NCKAP1: variants seen among roughly 807,000 people sequenced by gnomAD.
NCKAP1 encodes NCK associated protein 1, also known as nck-associated protein 1.
In NCKAP1, 21 loss-of-function variants were observed where a neutral mutation model predicts 151.2. The ratio of observed to expected loss-of-function variants is 0.14; its 90% CI spans 0.10 to 0.20. The LOEUF is 0.20. Ranked by LOEUF, NCKAP1 falls within the 10% of genes least tolerant of loss-of-function variation. NCKAP1 has a pLI of 1.00. For synonymous variants in NCKAP1, 484 were observed against 451.8 expected (o/e 1.07, Z -0.90); for missense variants, 933 against 1,352.1 (o/e 0.69, Z 4.86).
At chr2:182,982,695 G>A (rs1280171428) in intron 12 of NCKAP1, 126 bp downstream of exon 12, 1 of 626,338 alleles carries the variant, frequency 1.6e-6, no homozygotes, top group African/African-American at 1.8e-5. Flanking sequence ...GTAATAATAG[G>A]TGTACTAAAT....
At chr2:182,972,728 T>C (rs1208380353) in intron 15 of NCKAP1, among the ~76,000 whole-genome samples, 1 of 152,166 alleles carries the variant, frequency 6.6e-6, no homozygotes, top group Non-Finnish European at 1.5e-5. Context: ...CCATAAAAAA[T>C]GAAATCCTGT....
At position 182,916,091 on chromosome 2, in the gene NCKAP1, CCT is replaced by C. The variant is rs1422491452; in HGVS notation, c.*9609_*9610del. ...CCCCGTCTCCCTGCTCCTGCTCCTC[CCT>C]CTCCCCCTCCCCCACTCCAACTCTC... On this transcript the variant is annotated 3_prime_UTR_variant, in exon 31 of 31. Transcript: ENST00000361354. 1 of 150,902 alleles carries C rather than the reference CCT, an allele frequency of 6.6e-6. No individual in the cohort carries two copies. Among genetic ancestry groups the C allele is most frequent in the Non-Finnish European group, 1.5e-5 (1 of 67,754 alleles). 9.3% of individuals were successfully genotyped at this position (150,902 alleles called of 1,614,324 possible). A position where few individuals can be genotyped will look rare whatever the true frequency, so the allele number is the denominator to read the frequency against.
chr2:183,003,028 G>A lies in NCKAP1; in HGVS notation c.315C>T (p.Asp105=), dbSNP rs1282893104. The change falls in exon 4 of 31, where the codon GAC becomes GAT. Residue 105 remains aspartate, a splice_region_variant and synonymous_variant. Transcript: ENST00000361354. The part of the protein sequence containing the change: ...FTFVDVMEFK[D]HVCELLNTID... ...TAGTATTCAGCAATTCACAAACATG[G>A]TCCTGAAAAGAAATACTTATTTTAA... 4.4e-6 allele frequency: 7 copies of A among 1,604,914 alleles called. No homozygotes were observed. The African/African-American group carries it at 6.7e-5, about 15-fold the overall frequency.
intron 15 of NCKAP1, among the ~76,000 whole-genome samples, chr2:182,974,018 G>A (rs1471274128): frequency 6.6e-6 from 1 of 152,016 alleles, no homozygotes; most frequent in African/African-American, 2.4e-5. Context: ...AAAGATGAAT[G>A]TGCTATTTTT....
At position 182,922,158 on chromosome 2, in the gene NCKAP1, C is replaced by T. The variant is rs1696559736; in HGVS notation, c.*3544G>A. 1 of 152,150 alleles carries T rather than the reference C, an allele frequency of 6.6e-6. No homozygotes were observed. Among genetic ancestry groups the T allele is most frequent in the African/African-American group, 2.4e-5 (1 of 41,432 alleles). 9.4% of individuals were successfully genotyped at this position (152,150 alleles called of 1,614,324 possible). ...ATTCACAAAAGTCTTAGGAATAATA[C>T]AGGTGAAGTCTCAGAAAGGCAAGTC... On this transcript the variant is annotated 3_prime_UTR_variant, in exon 31 of 31. Transcript: ENST00000361354.
At chr2:182,930,903 G>GTAGTTTCTGCTTCAGCC in intron 26 of NCKAP1, 115 bp from the exon 27 acceptor site, 1 of 809,958 alleles carries the variant, frequency 1.2e-6, no homozygotes, top group Non-Finnish European at 2.0e-6. Context: ...AAACTTGGCT[G>GTAGTTTCTGCTTCAGCC]AAGCAGAAAC....
chr2:182,934,145 C>CT lies in NCKAP1; in HGVS notation c.2859+606dup, dbSNP rs970036589. Among the ~76,000 whole-genome samples, 58 of 148,542 alleles carry CT rather than the reference C, an allele frequency of 3.9e-4. 1 individual carries two copies. The highest frequency in any genetic ancestry group is 9.9e-4 in the East Asian group (5 of 5,076). ...ACTATTATTTCATTGCTTCATCTTTCTTTTTTTTTTGAGACGGAGTCTCAT... is the reference window on the plus strand; with the variant it reads ...ACTATTATTTCATTGCTTCATCTTTCTTTTTTTTTTTGAGACGGAGTCTCAT... On this transcript the variant is annotated intron_variant, in intron 26 of 30. Coordinates refer to ENST00000361354, the MANE Select transcript of NCKAP1 (RefSeq NM_013436.5).
Position 182,962,275 on chromosome 2 carries a change from G to A in NCKAP1, c.1765C>T (p.His589Tyr). ...CTHELCPEER[H>Y]HIGDRSLSLC... is the part of the protein sequence containing the mutation. ...GAAAGACTGCGATCTCCAATATGAT[G>A]TCGCTGTGAAGGCAGAATAATAATA... Residue 589 changes from histidine to tyrosine, a missense_variant, in exon 18 of 31, where the codon CAT (histidine) becomes TAT (tyrosine). This residue lies in a region of NCKAP1 where 607 missense variants were observed against 795.0 expected (regional missense o/e 0.76). Transcript: ENST00000361354. 2 of 1,603,948 alleles carry A rather than the reference G, an allele frequency of 1.2e-6. No homozygotes were observed. Among genetic ancestry groups the A allele is most frequent in the Non-Finnish European group, 1.7e-6 (2 of 1,173,578 alleles).
intron 2 of NCKAP1, among the ~76,000 whole-genome samples, chr2:183,019,729 G>T (rs1009138726): frequency 4.6e-5 from 7 of 152,134 alleles, no homozygotes; most frequent in African/African-American, 1.7e-4. Context: ...TATAAAACTG[G>T]TATGGCTTTT....
chr2:183,029,098 C>G (rs1415760223), intron 1 of NCKAP1, among the ~76,000 whole-genome samples: 1 of 151,686 alleles, frequency 6.6e-6, no homozygotes, highest in Non-Finnish European at 1.5e-5. Flanking sequence ...GCCTGGGCAA[C>G]AAGAGTGAAA....
rs945977083 is a variant in NCKAP1 at position 182,941,358 on chromosome 2, C to A, written c.2695+712G>T. On this transcript the variant is annotated intron_variant, in intron 24 of 30. Transcript: ENST00000361354. ...AAGAATCAATGTCAAGAAGACATTA[C>A]AATTTTTTTTTAAGTTGTAGGTTCA... is the stretch of plus-strand genomic sequence containing the variant. Among the ~76,000 whole-genome samples the A allele has an allele frequency of 2.6e-5, 4 of 152,202 alleles. No homozygotes were observed. The East Asian group carries it at 7.7e-4, about 29-fold the overall frequency.
At chr2:182,948,325 A>C (rs1304460967) in intron 23 of NCKAP1, among the ~76,000 whole-genome samples, 2 of 152,126 alleles carry the variant, frequency 1.3e-5, no homozygotes, top group Admixed American at 1.3e-4. Flanking sequence ...AGCTAACATC[A>C]AAAGTTTTCA....
In NCKAP1 at chr2:183,030,594, A is replaced by G. The variant is rs766838472; in HGVS notation, c.109-6678T>C. 2.8e-4 allele frequency among the ~76,000 whole-genome samples: 43 copies of G among 152,286 alleles called. 1 individual carries two copies. The highest frequency in any genetic ancestry group is 3.4e-3 in the Middle Eastern group (1 of 294). On this transcript the variant is annotated intron_variant, in intron 1 of 30. Transcript: ENST00000361354. The stretch of plus-strand genomic sequence containing the variant: ...AGGAGAAAAATACAAAATGTGGCCA[A>G]TTTAGACTCGAAAGAGGAATTTGAC...
intron 27 of NCKAP1, among the ~76,000 whole-genome samples, chr2:182,930,043 A>G (rs1163958746): frequency 2.6e-5 from 4 of 151,996 alleles, no homozygotes. Context: ...ATCTCCCATT[A>G]GCATACAAAT....
Position 182,925,575 on chromosome 2 carries a change from T to C in NCKAP1, c.*127A>G, listed in dbSNP as rs1178787438. On this transcript the variant is annotated 3_prime_UTR_variant, in exon 31 of 31. Transcript: ENST00000361354. ...TATTAAGAAACCAATGATCAGAAAA[T>C]ACAACCGTATGAAAGAAATTTATAA... 4.0e-6 allele frequency: 2 copies of C among 501,322 alleles called. No individual in the cohort carries two copies. Among genetic ancestry groups the C allele is most frequent in the South Asian group, 4.4e-5 (1 of 22,980 alleles). The allele number at this position is 501,322 out of a possible 1,614,324, so 31.1% of individuals were successfully genotyped here. A position where few individuals can be genotyped will look rare whatever the true frequency, so the allele number is the denominator to read the frequency against.
At chr2:182,952,994 G>A (rs1463816163) in intron 21 of NCKAP1, 71 bp from the exon 22 acceptor site, 6 of 1,503,144 alleles carry the variant, frequency 4.0e-6, no homozygotes, top group African/African-American at 1.4e-5. Flanking sequence ...ATACATTCCT[G>A]CATATAATTT....
chr2:182,921,283 C>T lies in NCKAP1; in HGVS notation c.*4419G>A, dbSNP rs1016792084. On this transcript the variant is annotated 3_prime_UTR_variant, in exon 31 of 31. Coordinates refer to ENST00000361354, the MANE Select transcript of NCKAP1 (RefSeq NM_013436.5). ...TTACAGTAAATTTTAAATATGATTTCCTACTTATTCATGGATTCTAGAAGC... is the reference window on the plus strand; with the variant it reads ...TTACAGTAAATTTTAAATATGATTTTCTACTTATTCATGGATTCTAGAAGC... 6.6e-5 allele frequency: 10 copies of T among 152,032 alleles called. No individual in the cohort carries two copies. The highest frequency in any genetic ancestry group is 2.4e-4 in the African/African-American group (10 of 41,392). 9.4% of individuals were successfully genotyped at this position (152,032 alleles called of 1,614,324 possible).
chr2:182,984,784 A>C (rs1238568629), intron 10 of NCKAP1, among the ~76,000 whole-genome samples: 2 of 152,192 alleles, frequency 1.3e-5, no homozygotes, highest in African/African-American at 4.8e-5. Flanking sequence ...TCACAGGATT[A>C]CTGTGAGGAG....
chr2:183,001,854 T>A (rs372871579), intron 6 of NCKAP1, 99 bp downstream of exon 6: 2 of 946,938 alleles, frequency 2.1e-6, no homozygotes, highest in Non-Finnish European at 3.3e-6. Context: ...TATCCCATTA[T>A]AGTATTTTTC....
Sources: allele counts gnomAD v4.1 joint callset (sites outside exome capture counted in the v4.1 genomes callset), GRCh38; gene constraint gnomAD v4.1.1; regional missense constraint gnomAD v4.1.1; transcripts MANE v1.5; gene names NCBI Gene and HGNC (gene_info 2026-07-23, HGNC 2026-07-21).